The following OTUD3 variants were observed in gnomAD, a reference collection of about 807,000 sequenced individuals.
OTUD3 encodes OTU domain-containing protein 3.
Under a neutral mutation model 46.2 loss-of-function variants are expected in OTUD3, and 24 were observed. That is an observed-to-expected ratio of 0.52 (90% CI 0.38 to 0.73). The LOEUF is 0.73. OTUD3 is among the 30% of genes least tolerant of loss of function. The pLI is 0.00. For synonymous variants in OTUD3, 189 were observed against 195.4 expected (o/e 0.97, Z 0.27); for missense variants, 455 against 523.3 (o/e 0.87, Z 1.27).
intron 6 of OTUD3, 145 bp downstream of exon 6, chr1:19,905,132 AT>A: frequency 1.7e-6 from 1 of 580,466 alleles, no homozygotes; most frequent in Non-Finnish European, 3.1e-6. Context: ...GTACGTAGAC[AT>A]TTTTTACTAG....
intron 3 of OTUD3, among the ~76,000 whole-genome samples, chr1:19,896,850 G>A (rs1397370092): frequency 2.6e-5 from 4 of 152,174 alleles, no homozygotes; most frequent in Non-Finnish European, 5.9e-5. Flanking sequence ...TGTGTCAGGG[G>A]TGTAGTTCAC....
chr1:19,906,548 ACC>A lies in OTUD3; in HGVS notation c.953_954del (p.Thr318ArgfsTer4), dbSNP rs749431728. The A allele has an allele frequency of 3.7e-6, 6 of 1,613,840 alleles. No individual in the cohort carries two copies. The South Asian group carries it at 5.5e-5, about 15-fold the overall frequency. The part of the protein sequence containing the change: ...FGNQGLNEGR[T>X]ENNKAQASPS... ...AAATCAGGGCTTAAATGAAGGCAGG[ACC>A]GAAAACAATAAGGCACAGGCCAGCC... On this transcript the variant is annotated frameshift_variant, in exon 7 of 8. Coordinates refer to ENST00000375120, the MANE Select transcript of OTUD3 (RefSeq NM_015207.2). LOFTEE classifies it high-confidence loss of function.
intron 1 of OTUD3, among the ~76,000 whole-genome samples, chr1:19,884,275 T>A (rs939145211): frequency 6.6e-6 from 1 of 152,156 alleles, no homozygotes; most frequent in Non-Finnish European, 1.5e-5. Flanking sequence ...AAGTACTCAA[T>A]AGAAGGTTAC....
chr1:19,896,882 G>A (rs77648170), intron 3 of OTUD3, among the ~76,000 whole-genome samples: 4 of 152,130 alleles, frequency 2.6e-5, no homozygotes, highest in East Asian at 3.8e-4. Flanking sequence ...TGTGGGTGGC[G>A]CCTGCAGGGT....
Position 19,894,345 on chromosome 1 carries a change from TTTTC to T in OTUD3, c.371-18_371-15del. 1 of 1,440,822 alleles carries T rather than the reference TTTTC, an allele frequency of 6.9e-7. No homozygotes were observed. Among genetic ancestry groups the T allele is most frequent in the African/African-American group, 1.4e-5 (1 of 70,736 alleles). 89.3% of individuals were successfully genotyped at this position (1,440,822 alleles called of 1,614,324 possible). On this transcript the variant is annotated intron_variant, in intron 2 of 7. Coordinates refer to ENST00000375120, the MANE Select transcript of OTUD3 (RefSeq NM_015207.2). ...GATTTTTCCACTATAAAGACGTCAT[TTTTC>T]TTTCCTATTTCCATGCAGTGGCCAG... is the stretch of plus-strand genomic sequence containing the variant.
At chr1:19,901,765 T>C (rs1259575716) in intron 4 of OTUD3, among the ~76,000 whole-genome samples, 1 of 152,238 alleles carries the variant, frequency 6.6e-6, no homozygotes, top group Non-Finnish European at 1.5e-5. Context: ...AATGGAATTA[T>C]ATGTGACTTT....
chr1:19,893,908 C>T lies in OTUD3; in HGVS notation c.371-460C>T, dbSNP rs79883472. Among the ~76,000 whole-genome samples, 631 of 152,332 alleles carry T rather than the reference C, an allele frequency of 4.1e-3. 40 individuals carry two copies. In the East Asian group the frequency reaches 0.096, roughly 23 times the overall value. ...GGCTGCGTAGGTGAAACCTCAGCTCCACTGTGTACCAGCTCTTTGACCTTG... is the reference window on the plus strand; with the variant it reads ...GGCTGCGTAGGTGAAACCTCAGCTCTACTGTGTACCAGCTCTTTGACCTTG... On this transcript the variant is annotated intron_variant, in intron 2 of 7. Transcript: ENST00000375120.
intron 1 of OTUD3, among the ~76,000 whole-genome samples, chr1:19,888,108 T>C (rs2045394832): frequency 6.6e-6 from 1 of 152,220 alleles, no homozygotes; most frequent in Non-Finnish European, 1.5e-5. Flanking sequence ...TCTAGAGACA[T>C]CTTTGGTTGT....
At chr1:19,898,410 A>G (rs2045544651) in intron 4 of OTUD3, among the ~76,000 whole-genome samples, 1 of 152,214 alleles carries the variant, frequency 6.6e-6, no homozygotes, top group South Asian at 2.1e-4. Context: ...TTTTATTTAT[A>G]TAGCTTTGTT....
At chr1:19,903,038 CTCTTT>C (rs2045611024) in intron 4 of OTUD3, among the ~76,000 whole-genome samples, 1 of 108,766 alleles carries the variant, frequency 9.2e-6, no homozygotes. Context: ...TGAATCTTTT[CTCTTT>C]TTTTTTTTTT....
intron 4 of OTUD3, among the ~76,000 whole-genome samples, chr1:19,899,740 G>A (rs560298282): frequency 1.3e-5 from 2 of 152,322 alleles, no homozygotes; most frequent in South Asian, 4.1e-4. Flanking sequence ...CCTGCACGGT[G>A]CACTTCGTCA....
intron 7 of OTUD3, 88 bp from the exon 8 acceptor site, chr1:19,907,482 C>G: frequency 7.8e-7 from 1 of 1,289,000 alleles, no homozygotes; most frequent in African/African-American, 1.5e-5. Context: ...GAAAAGCAAT[C>G]TGTGCCCTTT....
At position 19,906,556 on chromosome 1, in the gene OTUD3, C is replaced by T. The variant is rs2045663561; in HGVS notation, c.960C>T (p.Asn320=). 1 of 1,613,480 alleles carries T rather than the reference C, an allele frequency of 6.2e-7. No homozygotes were observed. Among genetic ancestry groups the T allele is most frequent in the South Asian group, 1.1e-5 (1 of 91,034 alleles). ...GCTTAAATGAAGGCAGGACCGAAAA[C>T]AATAAGGCACAGGCCAGCCCTAGTG... The part of the protein sequence containing the change: ...NQGLNEGRTE[N]NKAQASPSEE... The change falls in exon 7 of 8, where the codon AAC becomes AAT. Residue 320 remains asparagine (N), a synonymous_variant. Transcript: ENST00000375120.
chr1:19,887,950 G>A (rs1399779957), intron 1 of OTUD3, among the ~76,000 whole-genome samples: 1 of 152,210 alleles, frequency 6.6e-6, no homozygotes, highest in Non-Finnish European at 1.5e-5. Context: ...TTGTCTAATA[G>A]TAAATTATTG....
chr1:19,900,916 G>GTTTTT (rs990933093), intron 4 of OTUD3, among the ~76,000 whole-genome samples: 11 of 115,664 alleles, frequency 9.5e-5, no homozygotes, highest in Non-Finnish European at 1.1e-4. Flanking sequence ...TTTTTTTTTT[G>GTTTTT]TTTTTTTTTT....
chr1:19,892,863 G>T (rs986910823), intron 2 of OTUD3, among the ~76,000 whole-genome samples: 1 of 152,094 alleles, frequency 6.6e-6, no homozygotes, highest in African/African-American at 2.4e-5. Context: ...ATTGACCTCA[G>T]GATAGAGCCC....
rs1439723284 is a variant in OTUD3, at chr1:19,882,821, C to G, written c.221+87C>G. ...CCGTTGCCCGCTCGCGTCCATCCATCCATTCATTCGGGCGGCCCGGGCGCC... is the reference window on the plus strand; with the variant it reads ...CCGTTGCCCGCTCGCGTCCATCCATGCATTCATTCGGGCGGCCCGGGCGCC... On this transcript the variant is annotated intron_variant, in intron 1 of 7. Transcript: ENST00000375120. 3.4e-6 allele frequency: 4 copies of G among 1,177,708 alleles called. No individual in the cohort carries two copies. The African/African-American group carries it at 6.4e-5, about 19-fold the overall frequency. 73.0% of individuals were successfully genotyped at this position (1,177,708 alleles called of 1,614,324 possible).
chr1:19,884,980 A>G (rs910910262), intron 1 of OTUD3, among the ~76,000 whole-genome samples: 1 of 152,212 alleles, frequency 6.6e-6, no homozygotes, highest in Admixed American at 6.5e-5. Flanking sequence ...CTCATTGGAT[A>G]CACTGCTAGA....
intron 1 of OTUD3, among the ~76,000 whole-genome samples, chr1:19,888,644 C>A (rs1242064661): frequency 2.0e-5 from 3 of 152,174 alleles, no homozygotes; most frequent in East Asian, 3.8e-4. Flanking sequence ...CTGGGCCTAC[C>A]ACTTACTAGT....
Sources: allele counts gnomAD v4.1 joint callset (sites outside exome capture counted in the v4.1 genomes callset), GRCh38; gene constraint gnomAD v4.1.1; transcripts MANE v1.5; gene names NCBI Gene and HGNC (gene_info 2026-07-23, HGNC 2026-07-21).